Variants in CSMD1 observed in about 807,000 individuals in gnomAD.
The protein encoded by CSMD1 is CUB and sushi domain-containing protein 1.
A neutral mutation model predicts 417.5 loss-of-function variants in CSMD1; 213 were observed. The observed-to-expected ratio is 0.51, with a 90% confidence interval of 0.46 to 0.57. CSMD1 has a LOEUF of 0.57. CSMD1 is among the 20% of genes least tolerant of loss of function. The pLI is 0.00. For missense variants in CSMD1, 6,923 were observed against 4,529.7 expected (o/e 1.53, Z -15.17); for synonymous variants, 2,862 against 1,736.8 (o/e 1.65, Z -16.11).
intron 3 of CSMD1, among the ~76,000 whole-genome samples, chr8:4,369,845 A>G (rs1802300065): frequency 1.3e-5 from 2 of 152,192 alleles, no homozygotes; most frequent in Non-Finnish European, 2.9e-5. Context: ...TAAGACGAGT[A>G]TCTGGAAGAC....
At chr8:3,741,290 T>C (rs1279444167) in intron 6 of CSMD1, among the ~76,000 whole-genome samples, 1 of 150,018 alleles carries the variant, frequency 6.7e-6, no homozygotes, top group Non-Finnish European at 1.5e-5. Context: ...CGGTAGAGTT[T>C]AGTAGGTCAG....
At chr8:3,500,036 G>A (rs10103646) in intron 10 of CSMD1, among the ~76,000 whole-genome samples, 6 of 152,004 alleles carry the variant, frequency 3.9e-5, no homozygotes, top group South Asian at 4.1e-4. Flanking sequence ...CAGGCATCTG[G>A]GGTGGGAGTG....
intron 1 of CSMD1, among the ~76,000 whole-genome samples, chr8:4,849,076 T>G (rs1468929819): frequency 6.6e-6 from 1 of 152,090 alleles, no homozygotes; most frequent in African/African-American, 2.4e-5. Context: ...TGGGACAAAA[T>G]TTGGTGGTAG....
chr8:3,925,297 G>A lies in CSMD1; in HGVS notation c.818+72606C>T, dbSNP rs149747821. Among the ~76,000 whole-genome samples the A allele has an allele frequency of 1.8e-3, 272 of 152,300 alleles. 1 individual carries two copies. The highest frequency in any genetic ancestry group is 6.3e-3 in the African/African-American group (260 of 41,558). ...CGATTGCTACAATAACCCAAGAGGT[G>A]AAGCATCAGAGTAAAGTACTTGTGC... is the stretch of plus-strand genomic sequence containing the variant. On this transcript the variant is annotated intron_variant, in intron 5 of 69. Coordinates refer to ENST00000635120, the MANE Select transcript of CSMD1 (RefSeq NM_033225.6).
intron 1 of CSMD1, among the ~76,000 whole-genome samples, chr8:4,644,549 G>A (rs1803397464): frequency 6.6e-6 from 1 of 152,142 alleles, no homozygotes; most frequent in Admixed American, 6.5e-5. Context: ...TGGGATTACA[G>A]GCACGCGCCA....
intron 1 of CSMD1, among the ~76,000 whole-genome samples, chr8:4,732,308 G>T (rs1234561301): frequency 1.3e-5 from 2 of 151,122 alleles, no homozygotes; most frequent in African/African-American, 2.4e-5. Context: ...GTTAAATTAA[G>T]ACACCTGAAG....
chr8:3,579,595 C>T (rs1584915928), intron 9 of CSMD1, among the ~76,000 whole-genome samples: 1 of 152,052 alleles, frequency 6.6e-6, no homozygotes, highest in African/African-American at 2.4e-5. Flanking sequence ...AGATTGTGAA[C>T]CATAATGAAG....
chr8:3,894,096 G>A (rs1011816741), intron 5 of CSMD1, among the ~76,000 whole-genome samples: 2 of 152,066 alleles, frequency 1.3e-5, no homozygotes, highest in Admixed American at 6.6e-5. Flanking sequence ...TCTCTTTCAC[G>A]GTGTTCCGTC....
At chr8:3,885,581 A>G (rs1482026365) in intron 5 of CSMD1, among the ~76,000 whole-genome samples, 2 of 152,218 alleles carry the variant, frequency 1.3e-5, no homozygotes, top group Admixed American at 6.5e-5. Context: ...TTAGGCAGTC[A>G]TCATCCAACA....
intron 27 of CSMD1, among the ~76,000 whole-genome samples, chr8:3,228,758 G>C (rs539602630): frequency 1.3e-5 from 2 of 151,158 alleles, no homozygotes. Context: ...TCCTCCACGA[G>C]CCTAAAAACA....
intron 11 of CSMD1, among the ~76,000 whole-genome samples, chr8:3,475,665 C>T (rs1454666369): frequency 1.3e-5 from 2 of 152,220 alleles, no homozygotes; most frequent in East Asian, 1.9e-4. Context: ...AGTGAAGATA[C>T]TGCTGTCTCA....
intron 3 of CSMD1, among the ~76,000 whole-genome samples, chr8:4,034,637 G>A (rs967347021): frequency 7.2e-5 from 11 of 152,070 alleles, no homozygotes; most frequent in South Asian, 4.1e-4. Context: ...AAAGACACAC[G>A]TTGTATAGCC....
rs200711143 is a variant in CSMD1 at position 3,461,494 on chromosome 8, C to T, written c.1561+7218G>A. Among the ~76,000 whole-genome samples the T allele has an allele frequency of 2.6e-5, 4 of 152,284 alleles. No homozygotes were observed. The East Asian group carries it at 7.7e-4, about 29-fold the overall frequency. On this transcript the variant is annotated intron_variant, in intron 12 of 69. Transcript: ENST00000635120. The stretch of plus-strand genomic sequence containing the variant: ...CAGGAGTAGCTGTCTCACCTCCACC[C>T]CAGGAGCTGATTGAGATCTCTGCTC...
intron 1 of CSMD1, among the ~76,000 whole-genome samples, chr8:4,990,997 C>G (rs1482067583): frequency 6.6e-6 from 1 of 152,110 alleles, no homozygotes; most frequent in Admixed American, 6.5e-5. Flanking sequence ...CTCTTTCGGG[C>G]TTCTCAAAAT....
intron 25 of CSMD1, among the ~76,000 whole-genome samples, chr8:3,285,477 C>T (rs1045584710): frequency 6.6e-6 from 1 of 151,370 alleles, no homozygotes; most frequent in African/African-American, 2.4e-5. Context: ...ACCTCTACTT[C>T]CTGGGTTCAA....
At chr8:4,441,626 A>G (rs1273746240) in intron 2 of CSMD1, among the ~76,000 whole-genome samples, 2 of 152,144 alleles carry the variant, frequency 1.3e-5, no homozygotes, top group Non-Finnish European at 2.9e-5. Context: ...TTCACCACCT[A>G]GGTATTTAAT....
intron 3 of CSMD1, among the ~76,000 whole-genome samples, chr8:4,154,872 C>T (rs941568276): frequency 3.3e-5 from 5 of 152,172 alleles, no homozygotes; most frequent in African/African-American, 1.2e-4. Flanking sequence ...AAGTCAGCTG[C>T]ATCACAGTCC....
chr8:3,514,070 T>G (rs527743341), intron 10 of CSMD1, among the ~76,000 whole-genome samples: 2 of 152,186 alleles, frequency 1.3e-5, no homozygotes, highest in Non-Finnish European at 2.9e-5. Flanking sequence ...CTGTGTTCTT[T>G]AGTTTTTCAA....
chr8:4,156,971 A>C (rs1032599073), intron 3 of CSMD1, among the ~76,000 whole-genome samples: 7 of 152,130 alleles, frequency 4.6e-5, no homozygotes, highest in Non-Finnish European at 4.4e-5. Context: ...ACTGCTTGGC[A>C]GATGATGCAT....
Sources: gnomAD v4.1 joint callset for allele counts (sites outside exome capture counted in the v4.1 genomes callset) on GRCh38, gnomAD v4.1.1 for gene constraint, MANE v1.5 for transcripts, NCBI Gene and HGNC (gene_info 2026-07-23, HGNC 2026-07-21) for gene names.